Variants in KIF26B observed in about 807,000 individuals in gnomAD.
KIF26B encodes kinesin family member 26B, also known as kinesin-like protein KIF26B.
KIF26B carries 63 observed loss-of-function variants against 151.2 expected under a neutral mutation model. That is an observed-to-expected ratio of 0.42 (90% CI 0.34 to 0.51). KIF26B has a LOEUF of 0.51. Among genes scored for constraint, KIF26B ranks in the 20% least tolerant of loss-of-function variants. The pLI, the probability that KIF26B is intolerant of heterozygous loss-of-function variation, is 0.07. For synonymous variants in KIF26B, 1,357 were observed against 1,262.1 expected (o/e 1.08, Z -1.59); for missense variants, 2,813 against 2,913.6 (o/e 0.97, Z 0.79).
chr1:245,191,241 G>A (rs1186642823), intron 2 of KIF26B, among the ~76,000 whole-genome samples: 1 of 151,294 alleles, frequency 6.6e-6, no homozygotes, highest in Admixed American at 6.6e-5. Context: ...TTGGGAGGCC[G>A]AGGCGGGCGG....
chr1:245,588,831 G>T (rs1051756978), intron 5 of KIF26B, among the ~76,000 whole-genome samples: 1 of 152,180 alleles, frequency 6.6e-6, no homozygotes, highest in Non-Finnish European at 1.5e-5. Flanking sequence ...TCCTGGGAAA[G>T]GGGGCCTTTT....
chr1:245,298,490 A>G (rs1176651779), intron 2 of KIF26B, among the ~76,000 whole-genome samples: 1 of 152,222 alleles, frequency 6.6e-6, no homozygotes, highest in Non-Finnish European at 1.5e-5. Flanking sequence ...GGTTGCCAGC[A>G]GCTAGAGGGA....
chr1:245,416,112 CAAAA>C (rs375247191), intron 3 of KIF26B, among the ~76,000 whole-genome samples: 1 of 124,864 alleles, frequency 8.0e-6, no homozygotes, highest in Admixed American at 8.4e-5. Context: ...AGTAAAAATA[CAAAA>C]AAAAAAAAAA....
intron 2 of KIF26B, among the ~76,000 whole-genome samples, chr1:245,266,647 C>T (rs1171075654): frequency 6.6e-6 from 1 of 152,134 alleles, no homozygotes; most frequent in Non-Finnish European, 1.5e-5. Context: ...GCTGGGACTA[C>T]AGGCGCCTAC....
At chr1:245,610,198 T>C (rs1215642837) in intron 8 of KIF26B, among the ~76,000 whole-genome samples, 3 of 152,208 alleles carry the variant, frequency 2.0e-5, no homozygotes, top group East Asian at 3.8e-4. Flanking sequence ...CTTTTGTAGA[T>C]AGGTGTTCCG....
chr1:245,279,098 T>C (rs951652276), intron 2 of KIF26B, among the ~76,000 whole-genome samples: 1 of 152,092 alleles, frequency 6.6e-6, no homozygotes, highest in African/African-American at 2.4e-5. Flanking sequence ...GGAAGGATCA[T>C]GGAATGTTAA....
chr1:245,400,710 T>C (rs762539834), intron 3 of KIF26B, among the ~76,000 whole-genome samples: 9 of 152,190 alleles, frequency 5.9e-5, no homozygotes, highest in Non-Finnish European at 1.3e-4. Context: ...TTTATATTGA[T>C]TACATGTTGA....
intron 4 of KIF26B, among the ~76,000 whole-genome samples, chr1:245,470,251 T>G (rs918356213): frequency 6.6e-6 from 1 of 152,028 alleles, no homozygotes; most frequent in African/African-American, 2.4e-5. Context: ...TGCTCGTGTG[T>G]TAGGCAGAAG....
intron 4 of KIF26B, among the ~76,000 whole-genome samples, chr1:245,424,756 TATAACTAGAA>T (rs147571588): frequency 0.12 from 18,879 of 152,128 alleles, 1,477 homozygotes; most frequent in African/African-American, 0.22. Flanking sequence ...GCATTTTGTG[TATAACTAGAA>T]GTAAAAGAAA....
chr1:245,364,462 C>T (rs1026505370), intron 2 of KIF26B, among the ~76,000 whole-genome samples: 3 of 124,702 alleles, frequency 2.4e-5, no homozygotes, highest in African/African-American at 6.2e-5. Context: ...GAGTCTTGCT[C>T]TGTTGCCAGG....
intron 14 of KIF26B, among the ~76,000 whole-genome samples, chr1:245,701,180 C>CAGAA (rs1291098733): frequency 1.3e-5 from 2 of 152,006 alleles, no homozygotes; most frequent in Non-Finnish European, 2.9e-5. Context: ...AGAAAATGAA[C>CAGAA]AGAAAGCTAC....
intron 4 of KIF26B, among the ~76,000 whole-genome samples, chr1:245,474,501 T>C (rs1433689083): frequency 2.0e-5 from 3 of 149,164 alleles, no homozygotes; most frequent in African/African-American, 7.4e-5. Context: ...AACCTCCACC[T>C]CCCTGGTTCC....
rs571092950 is a variant in KIF26B at position 245,264,754 on chromosome 1, G to A, written c.466-102080G>A. On this transcript the variant is annotated intron_variant, in intron 2 of 14. Coordinates refer to ENST00000407071, the MANE Select transcript of KIF26B (RefSeq NM_018012.4). ...CTAAAAATACAAAAAATAGCCAGGT[G>A]TGGTGGCGGGCTCCTGTAGTCCCAG... is the stretch of plus-strand genomic sequence containing the variant. Among the ~76,000 whole-genome samples the A allele has an allele frequency of 8.7e-5, 13 of 149,270 alleles. No homozygotes were observed. In the South Asian group the frequency reaches 2.8e-3, roughly 32 times the overall value.
At chr1:245,699,591 C>G (rs956178459) in intron 14 of KIF26B, among the ~76,000 whole-genome samples, 5 of 140,486 alleles carry the variant, frequency 3.6e-5, no homozygotes, top group Non-Finnish European at 7.8e-5. Flanking sequence ...CAATTTTGCT[C>G]TCTTTGAAAG....
rs2043075798 is a variant in KIF26B, at chr1:245,572,556, T to A, written c.1351-30021T>A. The stretch of plus-strand genomic sequence containing the variant: ...GTGAACACTCAGTTAAAATTCCTAC[T>A]CGCTGCAGTGGGAAATTTTATGTTA... On this transcript the variant is annotated intron_variant, in intron 5 of 14. Coordinates refer to ENST00000407071, the MANE Select transcript of KIF26B (RefSeq NM_018012.4). The surrounding 1 kb of genome is among the most constrained non-coding windows in gnomAD (Gnocchi z 4.2). 6.6e-6 allele frequency among the ~76,000 whole-genome samples: 1 copy of A among 152,184 alleles called. No individual in the cohort carries two copies. Among genetic ancestry groups the A allele is most frequent in the Non-Finnish European group, 1.5e-5 (1 of 68,040 alleles).
chr1:245,413,469 T>C (rs1674335991), intron 3 of KIF26B, among the ~76,000 whole-genome samples: 1 of 152,114 alleles, frequency 6.6e-6, no homozygotes, highest in African/African-American at 2.4e-5. Context: ...GAGACCAGCC[T>C]AGTCAATATG....
intron 2 of KIF26B, among the ~76,000 whole-genome samples, chr1:245,319,906 C>T (rs1671853403): frequency 6.6e-6 from 1 of 152,182 alleles, no homozygotes; most frequent in Non-Finnish European, 1.5e-5. Flanking sequence ...CTGTGGATTC[C>T]TTACGTGCGA....
intron 2 of KIF26B, among the ~76,000 whole-genome samples, chr1:245,184,050 G>GTTTTTTGTTTTTTGTTTTTTTT (rs1553332272): frequency 5.0e-5 from 1 of 19,802 alleles, no homozygotes; most frequent in Non-Finnish European, 9.9e-5. Flanking sequence ...GGGAGTTGTT[G>GTTTTTTGTTTTTTGTTTTTTTT]TTTTTTTTTT....
In KIF26B at chr1:245,170,197, A is replaced by G. The variant is rs1396129284; in HGVS notation, c.465+13514A>G. Among the ~76,000 whole-genome samples the G allele has an allele frequency of 1.3e-5, 2 of 152,196 alleles. No individual in the cohort carries two copies. The highest frequency in any genetic ancestry group is 2.9e-5 in the Non-Finnish European group (2 of 68,040). ...AGTGCCGTGATGCCATCCCACTGAC[A>G]TGGCCTCCTGTATTCCAGCAAAGAG... On this transcript the variant is annotated intron_variant, in intron 2 of 14. Coordinates refer to ENST00000407071, the MANE Select transcript of KIF26B (RefSeq NM_018012.4). This position sits in a 1 kb window ranked among gnomAD's most constrained non-coding sequence, Gnocchi z 4.4.
Sources: gnomAD v4.1 joint callset for allele counts (sites outside exome capture counted in the v4.1 genomes callset) on GRCh38, gnomAD v4.1.1 for gene constraint, Gnocchi (gnomAD v3.1) non-coding constraint, MANE v1.5 for transcripts, NCBI Gene and HGNC (gene_info 2026-07-23, HGNC 2026-07-21) for gene names.